The following SNW1 variants were observed in gnomAD, a reference collection of about 807,000 sequenced individuals.
SNW1 encodes the protein SNW domain-containing protein 1.
A neutral mutation model predicts 75.6 loss-of-function variants in SNW1; 9 were observed. The observed-to-expected ratio is 0.12, with a 90% CI of 0.07 to 0.21. The LOEUF is 0.21. SNW1 is among the 10% of genes least tolerant of loss of function. The probability of loss-of-function intolerance (pLI) is 1.00; values close to 1 mark genes in which losing one functional copy is unlikely to be tolerated. For synonymous variants in SNW1, 200 were observed against 219.1 expected (o/e 0.91, Z 0.77); for missense variants, 409 against 670.9 (o/e 0.61, Z 4.31).
intron 10 of SNW1, among the ~76,000 whole-genome samples, chr14:77,729,636 G>A (rs1432787680): frequency 6.6e-6 from 1 of 152,144 alleles, no homozygotes; most frequent in East Asian, 1.9e-4. Flanking sequence ...TAACAGTACT[G>A]CATTGTATAT....
chr14:77,741,897 T>C (rs1463292014), intron 3 of SNW1, among the ~76,000 whole-genome samples: 1 of 152,200 alleles, frequency 6.6e-6, no homozygotes, highest in Non-Finnish European at 1.5e-5. Flanking sequence ...CAAGAGTCAT[T>C]TGCTGCTCCT....
intron 10 of SNW1, among the ~76,000 whole-genome samples, chr14:77,725,155 C>T (rs1018962929): frequency 6.6e-6 from 1 of 152,130 alleles, no homozygotes; most frequent in East Asian, 1.9e-4. Context: ...CTTTTGAGAC[C>T]GTCTATTCAG....
At chr14:77,749,353 GA>G (rs1211924532) in intron 3 of SNW1, among the ~76,000 whole-genome samples, 1 of 152,186 alleles carries the variant, frequency 6.6e-6, no homozygotes, top group Non-Finnish European at 1.5e-5. Context: ...ATTGAAGAGT[GA>G]AAGGAAAGTG....
intron 3 of SNW1, among the ~76,000 whole-genome samples, chr14:77,740,862 C>T (rs2139915719): frequency 6.6e-6 from 1 of 151,990 alleles, no homozygotes; most frequent in South Asian, 2.1e-4. Context: ...TTTGGGAGGC[C>T]GAGGTGGGTG....
chr14:77,755,204 T>G (rs2080835293), intron 1 of SNW1, 84 bp from the exon 2 acceptor site: 4 of 1,216,648 alleles, frequency 3.3e-6, no homozygotes, highest in Non-Finnish European at 4.6e-6. Context: ...CAGAGACAAT[T>G]TTTCCTACGA....
At chr14:77,735,913 A>G (rs770532849) in intron 7 of SNW1, 24 bp downstream of exon 7, 1 of 1,600,048 alleles carries the variant, frequency 6.2e-7, no homozygotes, top group Non-Finnish European at 8.6e-7. Flanking sequence ...AGAAAAAAAT[A>G]TTTTGGACTA....
chr14:77,743,593 A>G (rs1186808043), intron 3 of SNW1, among the ~76,000 whole-genome samples: 1 of 152,200 alleles, frequency 6.6e-6, no homozygotes. Flanking sequence ...TGGAATAACA[A>G]ATTTTTTAAA....
chr14:77,719,133 TC>T (rs1396503787), intron 12 of SNW1, among the ~76,000 whole-genome samples: 1 of 152,088 alleles, frequency 6.6e-6, no homozygotes, highest in African/African-American at 2.4e-5. Context: ...TAAACTGGGT[TC>T]AAGCAATCTG....
chr14:77,760,799 A>C, intron 1 of SNW1: 1 of 710,210 alleles, frequency 1.4e-6, no homozygotes, highest in Non-Finnish European at 2.6e-6. Flanking sequence ...CGTTCGCCCG[A>C]GCCGCGGACC....
At chr14:77,718,318 T>A (rs17825620) in intron 13 of SNW1, 32 bp from the exon 14 acceptor site, 3 of 1,613,962 alleles carry the variant, frequency 1.9e-6, no homozygotes, top group South Asian at 2.2e-5. Flanking sequence ...TATGAACTAC[T>A]TTGCTTTCAC....
At chr14:77,752,167 C>T (rs1024922882) in intron 2 of SNW1, among the ~76,000 whole-genome samples, 1 of 152,090 alleles carries the variant, frequency 6.6e-6, no homozygotes, top group African/African-American at 2.4e-5. Flanking sequence ...TAAAGCTATA[C>T]TTGGGGCAGA....
intron 6 of SNW1, among the ~76,000 whole-genome samples, chr14:77,736,581 A>G (rs2080674436): frequency 6.6e-6 from 1 of 152,046 alleles, no homozygotes; most frequent in Admixed American, 6.6e-5. Flanking sequence ...AACAAAAACA[A>G]AAAAAGGCAG....
At chr14:77,760,594 C>T in intron 1 of SNW1, 1 of 692,566 alleles carries the variant, frequency 1.4e-6, no homozygotes, top group South Asian at 1.5e-5. Flanking sequence ...TATCAGCAGA[C>T]GGCGGTCACT....
At position 77,720,842 on chromosome 14, in the gene SNW1, C is replaced by A; in HGVS notation, c.1131-14G>T. 1 of 1,523,858 alleles carries A rather than the reference C, an allele frequency of 6.6e-7. No individual in the cohort carries two copies. The allele number at this position is 1,523,858 out of a possible 1,614,324, so 94.4% of individuals were successfully genotyped here. On this transcript the variant is annotated splice_polypyrimidine_tract_variant and intron_variant, in intron 11 of 13. Transcript: ENST00000261531. ...TGAAGTTTCGACCTATTTTGAAATACGACATCACTAACTGAAAACTCTTTA... is the reference window on the plus strand; with the variant it reads ...TGAAGTTTCGACCTATTTTGAAATAAGACATCACTAACTGAAAACTCTTTA...
At chr14:77,722,527 C>G (rs1189644883) in intron 11 of SNW1, 1 of 453,714 alleles carries the variant, frequency 2.2e-6, no homozygotes, top group Non-Finnish European at 4.4e-6. Flanking sequence ...ATCCATTTAT[C>G]TCACCATTTG....
intron 3 of SNW1, among the ~76,000 whole-genome samples, chr14:77,744,702 T>TA (rs2080747059): frequency 1.3e-5 from 2 of 152,146 alleles, no homozygotes; most frequent in South Asian, 2.1e-4. Context: ...GGACCAAAGC[T>TA]GTATTTCATT....
At chr14:77,758,670 T>G (rs2080861695) in intron 1 of SNW1, among the ~76,000 whole-genome samples, 1 of 152,248 alleles carries the variant, frequency 6.6e-6, no homozygotes, top group African/African-American at 2.4e-5. Context: ...TAATTAGAAT[T>G]CTGTCCCACT....
rs150828190 is a variant in SNW1, at chr14:77,718,387, T to C, written c.1392A>G (p.Glu464=). 3 of 1,614,108 alleles carry C rather than the reference T, an allele frequency of 1.9e-6. No individual in the cohort carries two copies. Among genetic ancestry groups the C allele is most frequent in the Non-Finnish European group, 2.5e-6 (3 of 1,180,046 alleles). The change falls in exon 13 of 14, where the codon GAA becomes GAG. Residue 464 remains glutamate (E), a synonymous_variant. Coordinates refer to ENST00000261531, the MANE Select transcript of SNW1 (RefSeq NM_012245.3). ...LDKDMYGDDL[E]ARIKTNRFVP... ...GGCACCTGTTGGTCTTTATTCTGGC[T>C]TCTAGGTCATCACCATACATGTCCT...
At chr14:77,755,937 C>T (rs1197268677) in intron 1 of SNW1, among the ~76,000 whole-genome samples, 1 of 151,900 alleles carries the variant, frequency 6.6e-6, no homozygotes, top group Non-Finnish European at 1.5e-5. Context: ...CAGGGTTTCG[C>T]CATGTTGGCC....
Sources: allele counts gnomAD v4.1 joint callset (sites outside exome capture counted in the v4.1 genomes callset), GRCh38; gene constraint gnomAD v4.1.1; transcripts MANE v1.5; gene names NCBI Gene and HGNC (gene_info 2026-07-23, HGNC 2026-07-21).